The following UBE2W variants were observed in gnomAD, a reference collection of about 807,000 sequenced individuals.
UBE2W encodes the protein ubiquitin conjugating enzyme E2 W.
UBE2W carries 18 observed loss-of-function variants against 27.2 expected under a neutral mutation model. That is an observed-to-expected ratio of 0.66 (90% confidence interval 0.46 to 0.98). The LOEUF is 0.98. UBE2W is among the 50% of genes least tolerant of loss of function. The probability of loss-of-function intolerance (pLI) is 0.00; values close to 1 mark genes in which losing one functional copy is unlikely to be tolerated. For synonymous variants in UBE2W, 53 were observed against 57.2 expected, an observed-to-expected ratio of 0.93 and a Z score of 0.33; for missense variants, 90 against 180.2, an observed-to-expected ratio of 0.50 and a Z score of 2.87.
At chr8:73,875,753 T>C (rs986869328) in intron 1 of UBE2W, among the ~76,000 whole-genome samples, 2 of 152,114 alleles carry the variant, frequency 1.3e-5, no homozygotes, top group African/African-American at 2.4e-5. Context: ...CACCTTCTAA[T>C]ATAATAACAC....
intron 2 of UBE2W, among the ~76,000 whole-genome samples, chr8:73,828,443 T>C (rs531754326): frequency 1.3e-5 from 2 of 152,302 alleles, no homozygotes; most frequent in East Asian, 3.9e-4. Flanking sequence ...ACCTTTTCCA[T>C]ATTATTGACA....
chr8:73,780,450 A>C, exon 5 of UBE2W: 1 of 450,110 alleles, frequency 2.2e-6, no homozygotes, highest in Non-Finnish European at 4.5e-6. Context: ...GGGAGTTAAG[A>C]CTTCAACACA....
At chr8:73,838,697 G>A (rs1040585287) in intron 1 of UBE2W, among the ~76,000 whole-genome samples, 6 of 152,132 alleles carry the variant, frequency 3.9e-5, no homozygotes, top group Admixed American at 1.3e-4. Context: ...AGGGGTTGAG[G>A]TGTAAATTTA....
intron 1 of UBE2W, among the ~76,000 whole-genome samples, chr8:73,852,024 G>C (rs1811105514): frequency 6.7e-6 from 1 of 150,146 alleles, no homozygotes; most frequent in Non-Finnish European, 1.5e-5. Flanking sequence ...AAGGGGGAAG[G>C]AAAAAGGAGG....
chr8:73,813,495 A>G (rs1314878198), intron 3 of UBE2W, among the ~76,000 whole-genome samples: 1 of 152,254 alleles, frequency 6.6e-6, no homozygotes, highest in African/African-American at 2.4e-5. Flanking sequence ...GGGCTTTTTA[A>G]CATACTGCAT....
At chr8:73,811,114 CTG>C (rs2130874535) in intron 3 of UBE2W, among the ~76,000 whole-genome samples, 1 of 152,224 alleles carries the variant, frequency 6.6e-6, no homozygotes, top group South Asian at 2.1e-4. Context: ...AGGGAAATGA[CTG>C]TTATATATTC....
At chr8:73,859,170 A>G (rs923079934) in intron 1 of UBE2W, among the ~76,000 whole-genome samples, 4 of 152,134 alleles carry the variant, frequency 2.6e-5, no homozygotes, top group African/African-American at 9.7e-5. Context: ...CAGCAAGACC[A>G]AACCCTCCTC....
rs1272301830 is a variant in UBE2W, at chr8:73,791,398, AAAG to A, written c.*2701_*2703del. ...CTAAAAATAAATAAATAAATAAATAAAAGAAGAAGAGTGTACCTTATCTTCTAA... is the reference window on the plus strand; with the variant it reads ...CTAAAAATAAATAAATAAATAAATAAAAGAAGAGTGTACCTTATCTTCTAA... On this transcript the variant is annotated 3_prime_UTR_variant, in exon 6 of 6. Coordinates refer to ENST00000602593, the MANE Select transcript of UBE2W (RefSeq NM_018299.6). 10 of 983,914 alleles carry A rather than the reference AAAG, an allele frequency of 1.0e-5. No homozygotes were observed. The highest frequency in any genetic ancestry group is 1.7e-5 in the African/African-American group (1 of 57,182). The allele number at this position is 983,914 out of a possible 1,614,324, so 60.9% of individuals were successfully genotyped here. A position where few individuals can be genotyped will look rare whatever the true frequency, so the allele number is the denominator to read the frequency against.
chr8:73,858,133 G>A (rs1811379720), intron 1 of UBE2W, among the ~76,000 whole-genome samples: 1 of 151,964 alleles, frequency 6.6e-6, no homozygotes, highest in Non-Finnish European at 1.5e-5. Flanking sequence ...GGCCGAGGTG[G>A]GTGGATCACC....
At chr8:73,781,245 G>A (rs1202796473), downstream of UBE2W, among the ~76,000 whole-genome samples, 6 of 146,274 alleles carry the variant, frequency 4.1e-5, no homozygotes, top group Admixed American at 4.2e-4. Flanking sequence ...ACTCCAGCCT[G>A]TGCGACACAA....
At chr8:73,805,463 A>AAAAAAAAAAAAAAAAAAC (rs1563577877) in intron 5 of UBE2W, among the ~76,000 whole-genome samples, 188 bp downstream of exon 5, 1 of 129,396 alleles carries the variant, frequency 7.7e-6, no homozygotes, top group African/African-American at 2.8e-5. Flanking sequence ...TCAAAAAAAA[A>AAAAAAAAAAAAAAAAAAC]AAAAAAAACA....
chr8:73,838,433 G>A (rs996124174), intron 1 of UBE2W, among the ~76,000 whole-genome samples: 8 of 152,010 alleles, frequency 5.3e-5, no homozygotes, highest in African/African-American at 1.2e-4. Context: ...TGCGATATGC[G>A]ACCCTAAACT....
chr8:73,790,854 A>G lies in UBE2W; in HGVS notation c.*3248T>C, dbSNP rs1338846842. The G allele has an allele frequency of 2.0e-6, 2 of 985,170 alleles. No individual in the cohort carries two copies. The highest frequency in any genetic ancestry group is 6.1e-5 in the Admixed American group (1 of 16,264). 61.0% of individuals were successfully genotyped at this position (985,170 alleles called of 1,614,324 possible). A position where few individuals can be genotyped will look rare whatever the true frequency, so the allele number is the denominator to read the frequency against. The stretch of plus-strand genomic sequence containing the variant: ...CTTTGATGCAACTTGGAAACAATTA[A>G]GCAGTCACTAGACACCTGTTTTAGA... On this transcript the variant is annotated 3_prime_UTR_variant, in exon 6 of 6. Transcript: ENST00000602593.
At chr8:73,832,575 G>A (rs1431928595) in intron 1 of UBE2W, among the ~76,000 whole-genome samples, 1 of 152,148 alleles carries the variant, frequency 6.6e-6, no homozygotes, top group Non-Finnish European at 1.5e-5. Flanking sequence ...CAGTTATGAC[G>A]AATAGGCAGT....
At chr8:73,836,844 T>C (rs1586499629) in intron 1 of UBE2W, among the ~76,000 whole-genome samples, 1 of 152,086 alleles carries the variant, frequency 6.6e-6, no homozygotes, top group Non-Finnish European at 1.5e-5. Context: ...TCCCAAGTGG[T>C]AGGGAAAATG....
In UBE2W at chr8:73,793,174, G is replaced by A. The variant is rs1046017003; in HGVS notation, c.*928C>T. On this transcript the variant is annotated 3_prime_UTR_variant, in exon 6 of 6. Transcript: ENST00000602593. ...TCCAAACATAAATAAATGAAATAGT[G>A]TTTAGGCAGTAGGGCTCATGCTGAT... is the stretch of plus-strand genomic sequence containing the variant. 1.0e-6 allele frequency: 1 copy of A among 985,686 alleles called. No homozygotes were observed. Among genetic ancestry groups the A allele is most frequent in the Non-Finnish European group, 1.2e-6 (1 of 829,902 alleles). 61.1% of individuals were successfully genotyped at this position (985,686 alleles called of 1,614,324 possible).
At chr8:73,827,641 C>A (rs1397705116) in intron 2 of UBE2W, among the ~76,000 whole-genome samples, 1 of 151,986 alleles carries the variant, frequency 6.6e-6, no homozygotes, top group Non-Finnish European at 1.5e-5. Flanking sequence ...GTGACTCCCC[C>A]ACCTCAGACT....
chr8:73,855,550 C>T (rs762863477), intron 1 of UBE2W, among the ~76,000 whole-genome samples: 5 of 151,734 alleles, frequency 3.3e-5, no homozygotes, highest in Non-Finnish European at 5.9e-5. Flanking sequence ...TACAGATGCA[C>T]GCCACCACAC....
At chr8:73,822,112 C>T (rs574478079) in intron 3 of UBE2W, among the ~76,000 whole-genome samples, 6 of 152,298 alleles carry the variant, frequency 3.9e-5, no homozygotes, top group Non-Finnish European at 5.9e-5. Context: ...ACCCCTGGAC[C>T]GGCCTGCTAG....
Sources: allele counts gnomAD v4.1 joint callset (sites outside exome capture counted in the v4.1 genomes callset), GRCh38; gene constraint gnomAD v4.1.1; transcripts MANE v1.5; gene names NCBI Gene and HGNC (gene_info 2026-07-23, HGNC 2026-07-21).